SH3RF3: variants seen among roughly 807,000 people sequenced by gnomAD.
SH3RF3 encodes the protein SH3 domain containing ring finger 3.
Under a neutral mutation model 66.3 loss-of-function variants are expected in SH3RF3, and 29 were observed. The ratio of observed to expected loss-of-function variants is 0.44; its 90% CI spans 0.33 to 0.60. The LOEUF is 0.60. Among genes scored for constraint, SH3RF3 ranks in the 20% least tolerant of loss-of-function variants. The pLI is 0.04. For missense variants in SH3RF3, 1,194 were observed against 1,190.9 expected (o/e 1.00, Z -0.04); for synonymous variants, 583 against 532.0 (o/e 1.10, Z -1.32).
chr2:109,486,941 C>T (rs1573291931), intron 8 of SH3RF3, among the ~76,000 whole-genome samples: 1 of 152,178 alleles, frequency 6.6e-6, no homozygotes, highest in Non-Finnish European at 1.5e-5. Flanking sequence ...TTGGTTTTCT[C>T]CCTGTGAGGC....
chr2:109,398,664 C>T lies in SH3RF3; in HGVS notation c.1020C>T (p.Ser340=), dbSNP rs760780861. ...CCGCTGCATCCAGCTGCAATGCCTC[C>T]CTGCCCTCTGACTCCGGCGCTGTGG... is the stretch of plus-strand genomic sequence containing the variant. ...CPAAASSCNA[S]LPSDSGAVAS... is the part of the protein sequence containing the mutation. The change falls in exon 4 of 10, where the codon TCC becomes TCT. Residue 340 remains serine, a synonymous_variant. Transcript: ENST00000309415. The T allele has an allele frequency of 1.2e-6, 2 of 1,607,346 alleles. No homozygotes were observed. Among genetic ancestry groups the T allele is most frequent in the South Asian group, 2.2e-5 (2 of 89,440 alleles).
intron 8 of SH3RF3, among the ~76,000 whole-genome samples, chr2:109,455,516 A>T (rs1040824489): frequency 8.6e-5 from 9 of 104,730 alleles, no homozygotes; most frequent in Non-Finnish European, 4.3e-5. Context: ...TATATCTCAT[A>T]TATGTGTGTT....
At chr2:109,365,402 G>A (rs149144929) in intron 2 of SH3RF3, among the ~76,000 whole-genome samples, 1 of 152,210 alleles carries the variant, frequency 6.6e-6, no homozygotes, top group African/African-American at 2.4e-5. Context: ...GCTGCTTGGG[G>A]ATTTCTGGTA....
intron 1 of SH3RF3, among the ~76,000 whole-genome samples, chr2:109,223,684 C>T (rs963479081): frequency 1.3e-5 from 2 of 152,202 alleles, no homozygotes; most frequent in Admixed American, 6.5e-5. Flanking sequence ...TTCTGCCCCC[C>T]ACGTGATGCT....
chr2:109,487,680 G>A (rs1169949385), intron 8 of SH3RF3, among the ~76,000 whole-genome samples: 3 of 152,146 alleles, frequency 2.0e-5, no homozygotes, highest in South Asian at 2.1e-4. Context: ...GGGCCTCAGC[G>A]TCTCCAGCTC....
chr2:109,378,227 T>G (rs1367065681), intron 3 of SH3RF3, among the ~76,000 whole-genome samples: 1 of 152,220 alleles, frequency 6.6e-6, no homozygotes, highest in East Asian at 1.9e-4. Context: ...CGGCTTGCAC[T>G]CTGGGTCAGG....
At chr2:109,269,500 G>A (rs1252503247) in intron 1 of SH3RF3, among the ~76,000 whole-genome samples, 1 of 152,204 alleles carries the variant, frequency 6.6e-6, no homozygotes, top group Non-Finnish European at 1.5e-5. Context: ...TAGTTGCCAA[G>A]CCAGGCGTGG....
intron 9 of SH3RF3, among the ~76,000 whole-genome samples, chr2:109,499,549 C>T (rs1679337089): frequency 6.6e-6 from 1 of 152,150 alleles, no homozygotes; most frequent in Non-Finnish European, 1.5e-5. Flanking sequence ...GTGGAGTTTC[C>T]CCAGGGCAGA....
chr2:109,225,366 G>A lies in SH3RF3; in HGVS notation c.573+95253G>A, dbSNP rs375491322. On this transcript the variant is annotated intron_variant, in intron 1 of 9. Transcript: ENST00000309415. ...GGGAAGTTTCAAAATGTGGGTTTCCGGGCTCCGCTTGGACCCATTTCACAG... is the reference window on the plus strand; with the variant it reads ...GGGAAGTTTCAAAATGTGGGTTTCCAGGCTCCGCTTGGACCCATTTCACAG... 1.3e-4 allele frequency among the ~76,000 whole-genome samples: 20 copies of A among 152,312 alleles called. No homozygotes were observed. The East Asian group carries it at 1.9e-3, about 15-fold the overall frequency.
chr2:109,325,127 C>T (rs1263682782), intron 1 of SH3RF3, among the ~76,000 whole-genome samples: 1 of 152,054 alleles, frequency 6.6e-6, no homozygotes, highest in Non-Finnish European at 1.5e-5. Flanking sequence ...GGAGGGGTCC[C>T]TTGGCCACAT....
chr2:109,324,946 A>T (rs1263633914), intron 1 of SH3RF3, among the ~76,000 whole-genome samples: 1 of 152,208 alleles, frequency 6.6e-6, no homozygotes, highest in East Asian at 1.9e-4. Context: ...TACAGTAATG[A>T]CTAGTATAGA....
chr2:109,259,106 A>G (rs919944507), intron 1 of SH3RF3, among the ~76,000 whole-genome samples: 2 of 152,198 alleles, frequency 1.3e-5, no homozygotes, highest in Non-Finnish European at 2.9e-5. Flanking sequence ...ACACATACCT[A>G]CTGCCAGATC....
intron 1 of SH3RF3, among the ~76,000 whole-genome samples, chr2:109,338,645 C>T (rs1429181871): frequency 6.6e-6 from 1 of 152,122 alleles, no homozygotes; most frequent in Admixed American, 6.5e-5. Flanking sequence ...GCAACCTCTG[C>T]CTCCCGAGTT....
At chr2:109,143,555 C>A (rs1282161647) in intron 1 of SH3RF3, among the ~76,000 whole-genome samples, 2 of 151,934 alleles carry the variant, frequency 1.3e-5, no homozygotes, top group African/African-American at 4.8e-5. Context: ...CCAGCCTGGG[C>A]AACATAGCAA....
chr2:109,480,627 G>A (rs1163593644), intron 8 of SH3RF3, among the ~76,000 whole-genome samples: 1 of 152,018 alleles, frequency 6.6e-6, no homozygotes, highest in Non-Finnish European at 1.5e-5. Context: ...CTGCCCTGTG[G>A]GAGGAGGAGG....
chr2:109,374,267 G>A (rs1683335886), intron 3 of SH3RF3, among the ~76,000 whole-genome samples: 1 of 152,238 alleles, frequency 6.6e-6, no homozygotes, highest in Non-Finnish European at 1.5e-5. Context: ...GCCCCTTTCT[G>A]AGATGGCTGC....
chr2:109,341,131 G>A (rs1682545681), intron 1 of SH3RF3, among the ~76,000 whole-genome samples: 1 of 152,140 alleles, frequency 6.6e-6, no homozygotes, highest in Non-Finnish European at 1.5e-5. Context: ...GCAAATATGG[G>A]AAAGGAAGAA....
chr2:109,158,430 T>C (rs1677403053), intron 1 of SH3RF3, among the ~76,000 whole-genome samples: 1 of 152,180 alleles, frequency 6.6e-6, no homozygotes, highest in African/African-American at 2.4e-5. Context: ...TTGGGCACCA[T>C]CCTGGGGGGC....
At chr2:109,348,956 A>G (rs967314821) in intron 2 of SH3RF3, among the ~76,000 whole-genome samples, 1 of 152,150 alleles carries the variant, frequency 6.6e-6, no homozygotes, top group African/African-American at 2.4e-5. Flanking sequence ...TTAGATGCCC[A>G]GAAGTTGTTG....
Sources: gnomAD v4.1 joint callset for allele counts (sites outside exome capture counted in the v4.1 genomes callset) on GRCh38, gnomAD v4.1.1 for gene constraint, MANE v1.5 for transcripts, NCBI Gene and HGNC (gene_info 2026-07-23, HGNC 2026-07-21) for gene names.